LRRK2: variants seen among roughly 807,000 people sequenced by gnomAD.
LRRK2 encodes the protein leucine rich repeat kinase 2, also known as leucine-rich repeat serine/threonine-protein kinase 2.
LRRK2 carries 203 observed loss-of-function variants against 302.6 expected under a neutral mutation model. The ratio of observed to expected loss-of-function variants is 0.67; its 90% CI spans 0.60 to 0.75. LRRK2 has a LOEUF of 0.75. Ranked by LOEUF, LRRK2 falls within the 30% of genes least tolerant of loss-of-function variation. The pLI, the probability that LRRK2 is intolerant of heterozygous loss-of-function variation, is 0.00. For missense variants in LRRK2, 2,830 were observed against 2,951.0 expected, an observed-to-expected ratio of 0.96 and a Z score of 0.95; for synonymous variants, 1,066 against 1,031.9, an observed-to-expected ratio of 1.03 and a Z score of -0.63.
intron 30 of LRRK2, 102 bp downstream of exon 30, chr12:40,309,335 C>T: frequency 1.4e-6 from 2 of 1,422,204 alleles, no homozygotes; most frequent in Non-Finnish European, 1.9e-6. Context: ...ACAATTGCTT[C>T]AGTCTCTTTA....
intron 33 of LRRK2, among the ~76,000 whole-genome samples, chr12:40,318,852 G>T (rs999939018): frequency 6.6e-6 from 1 of 152,042 alleles, no homozygotes; most frequent in African/African-American, 2.4e-5. Context: ...CAACATGGGA[G>T]AAGTCTTAAA....
At chr12:40,338,198 G>A (rs570565968) in intron 40 of LRRK2, among the ~76,000 whole-genome samples, 8 of 152,032 alleles carry the variant, frequency 5.3e-5, no homozygotes, top group Admixed American at 2.6e-4. Context: ...CATATTTCTG[G>A]AATCTTGATT....
At chr12:40,344,135 C>T (rs960554213) in intron 41 of LRRK2, among the ~76,000 whole-genome samples, 1 of 152,042 alleles carries the variant, frequency 6.6e-6, no homozygotes, top group African/African-American at 2.4e-5. Flanking sequence ...CTACCATCTT[C>T]GGATTGTTGC....
chr12:40,335,841 C>T (rs185967092), intron 40 of LRRK2, among the ~76,000 whole-genome samples: 119 of 152,270 alleles, frequency 7.8e-4, no homozygotes, highest in African/African-American at 2.8e-3. Flanking sequence ...GCTCCCCAAC[C>T]CCAGTCACCC....
intron 18 of LRRK2, among the ~76,000 whole-genome samples, chr12:40,281,650 G>T (rs1429144817): frequency 2.0e-5 from 3 of 152,104 alleles, no homozygotes. Context: ...TGACTCTGTA[G>T]GATTTAAAGA....
chr12:40,335,763 A>C (rs1945849476), intron 40 of LRRK2, among the ~76,000 whole-genome samples: 1 of 152,180 alleles, frequency 6.6e-6, no homozygotes, highest in Admixed American at 6.5e-5. Flanking sequence ...TTAATGCATA[A>C]AATTATGATG....
At chr12:40,240,785 G>A (rs936258193) in intron 6 of LRRK2, among the ~76,000 whole-genome samples, 168 bp downstream of exon 6, 1 of 152,102 alleles carries the variant, frequency 6.6e-6, no homozygotes, top group Admixed American at 6.6e-5. Context: ...TTATACTGAA[G>A]TTGGCTGTGG....
In LRRK2 at chr12:40,314,105, T is replaced by G; in HGVS notation, c.4670T>G (p.Val1557Gly). Reference sequence around the variant, plus strand: ...GACCGGAAACGATTATTACAACTAGTGAGAGAAAATCAGCTGCAGTTAGAT... The same window carrying G: ...GACCGGAAACGATTATTACAACTAGGGAGAGAAAATCAGCTGCAGTTAGAT... Reference protein sequence around the residue: ...VIDRKRLLQLVRENQLQLDEN... With the variant: ...VIDRKRLLQLGRENQLQLDEN... Residue 1557 changes from valine to glycine, a missense_variant, in exon 32 of 51, where the codon GTG (valine) becomes GGG (glycine). By Grantham distance (109) the Val-to-Gly change is moderately radical. Around this residue, in one of 3 missense-constraint regions of LRRK2, gnomAD observed 2,121 missense variants for 2,148.0 expected, o/e 0.99. Transcript: ENST00000298910. The G allele has an allele frequency of 6.2e-7, 1 of 1,612,742 alleles. No homozygotes were observed. Among genetic ancestry groups the G allele is most frequent in the Non-Finnish European group, 8.5e-7 (1 of 1,179,044 alleles).
At chr12:40,314,314 T>C (rs1945138256) in intron 32 of LRRK2, 141 bp downstream of exon 32, 1 of 832,914 alleles carries the variant, frequency 1.2e-6, no homozygotes, top group Non-Finnish European at 1.9e-6. Flanking sequence ...TTTTTCTTTT[T>C]GGAAGATCAT....
rs1317617955 is a variant in LRRK2, at chr12:40,298,422, T to A, written c.3276T>A (p.Tyr1092Ter). 1 of 1,613,966 alleles carries A rather than the reference T, an allele frequency of 6.2e-7. No individual in the cohort carries two copies. Among genetic ancestry groups the A allele is most frequent in the South Asian group, 1.1e-5 (1 of 91,080 alleles). Residue 1092 changes from tyrosine to a stop codon, truncating the protein, a stop_gained, in exon 24 of 51, where the codon TAT becomes TAA. Coordinates refer to ENST00000298910, the MANE Select transcript of LRRK2 (RefSeq NM_198578.4). LOFTEE classifies it high-confidence loss of function. The part of the protein sequence containing the change: ...CPTLKQFNLS[Y>*]NQLSFVPENL... Reference sequence around the variant, plus strand: ...CTCTGAAACAGTTTAACCTGTCATATAACCAGCTGTCTTTTGTACCTGAGA... The same window carrying A: ...CTCTGAAACAGTTTAACCTGTCATAAAACCAGCTGTCTTTTGTACCTGAGA...
chr12:40,281,281 G>A (rs547204569), intron 18 of LRRK2, among the ~76,000 whole-genome samples: 1 of 152,194 alleles, frequency 6.6e-6, no homozygotes, highest in Non-Finnish European at 1.5e-5. Flanking sequence ...GGCACTGAGG[G>A]TTTAAATAAC....
chr12:40,249,416 G>C (rs1310456760), intron 7 of LRRK2, among the ~76,000 whole-genome samples: 2 of 151,676 alleles, frequency 1.3e-5, no homozygotes, highest in Non-Finnish European at 2.9e-5. Context: ...TGAAAGAAGA[G>C]TGTTTCAGTA....
At chr12:40,304,595 T>C (rs998639057) in intron 27 of LRRK2, 2 of 159,942 alleles carry the variant, frequency 1.3e-5, no homozygotes, top group Non-Finnish European at 2.7e-5. Flanking sequence ...TAACTGTTAC[T>C]TAACTATGAC....
At chr12:40,275,102 A>G (rs1592203921) in intron 16 of LRRK2, 109 bp downstream of exon 16, 1 of 1,195,862 alleles carries the variant, frequency 8.4e-7, no homozygotes, top group Non-Finnish European at 1.2e-6. Context: ...TTAATGGAAA[A>G]CCATTTATCC....
In LRRK2 at chr12:40,322,227, T is replaced by G. The variant is rs376737893; in HGVS notation, c.5317+46T>G. 28 of 1,579,916 alleles carry G rather than the reference T, an allele frequency of 1.8e-5. No homozygotes were observed. In the African/African-American group the frequency reaches 3.8e-4, roughly 22 times the overall value. ...GTTTTCAATTGCAACACTAAAGAAATTTAAACTTAAAAAAAAAAAAAACTT... is the reference window on the plus strand; with the variant it reads ...GTTTTCAATTGCAACACTAAAGAAAGTTAAACTTAAAAAAAAAAAAAACTT... On this transcript the variant is annotated intron_variant, in intron 36 of 50. Transcript: ENST00000298910.
At chr12:40,256,535 G>T (rs773860332) in intron 11 of LRRK2, among the ~76,000 whole-genome samples, 1 of 152,192 alleles carries the variant, frequency 6.6e-6, no homozygotes, top group African/African-American at 2.4e-5. Flanking sequence ...TGAAGTGCCA[G>T]TTGTAAAGCA....
chr12:40,262,529 T>C (rs571260918), intron 13 of LRRK2, among the ~76,000 whole-genome samples: 41 of 152,224 alleles, frequency 2.7e-4, no homozygotes, highest in Admixed American at 1.3e-3. Flanking sequence ...ATGTCTAGAA[T>C]CCTTAAGGTA....
chr12:40,352,716 G>A lies in LRRK2; in HGVS notation c.6576+983G>A, dbSNP rs1024173698. Among the ~76,000 whole-genome samples, 19 of 150,404 alleles carry A rather than the reference G, an allele frequency of 1.3e-4. No homozygotes were observed. In the East Asian group the frequency reaches 1.6e-3, roughly 12 times the overall value. On this transcript the variant is annotated intron_variant, in intron 44 of 50. Coordinates refer to ENST00000298910, the MANE Select transcript of LRRK2 (RefSeq NM_198578.4). ...TGTTTAACAAAGCACATCTTGCACC[G>A]CCCTTAATCCATTTAACCCTGAGTG...
At chr12:40,284,253 A>T in intron 19 of LRRK2, 120 bp downstream of exon 19, 1 of 829,964 alleles carries the variant, frequency 1.2e-6, no homozygotes, top group Non-Finnish European at 1.7e-6. Flanking sequence ...GATATTGCAA[A>T]GGTTTGGATT....
Sources: gnomAD v4.1 joint callset for allele counts (sites outside exome capture counted in the v4.1 genomes callset) on GRCh38, gnomAD v4.1.1 for gene constraint, gnomAD v4.1.1 regional missense constraint, MANE v1.5 for transcripts, NCBI Gene and HGNC (gene_info 2026-07-23, HGNC 2026-07-21) for gene names.